CTRC: variants seen among roughly 807,000 people sequenced by gnomAD.
The protein encoded by CTRC is chymotrypsin-C.
Under a neutral mutation model 35.7 loss-of-function variants are expected in CTRC, and 32 were observed. That is an observed-to-expected ratio of 0.90 (90% confidence interval 0.68 to 1.20). The LOEUF is 1.20. CTRC is among the 50% of genes most tolerant of loss of function. The probability of loss-of-function intolerance (pLI) is 0.00; values close to 1 mark genes in which losing one functional copy is unlikely to be tolerated. For synonymous variants in CTRC, 119 were observed against 149.5 expected (o/e 0.80, Z 1.49); for missense variants, 324 against 361.5 (o/e 0.90, Z 0.84).
intron 5 of CTRC, among the ~76,000 whole-genome samples, chr1:15,443,762 T>C (rs1708171872): frequency 6.6e-6 from 1 of 152,192 alleles, no homozygotes; most frequent in African/African-American, 2.4e-5. Context: ...TTTAGACGAA[T>C]TAGAATTTGT....
At position 15,446,660 on chromosome 1, in the gene CTRC, A is replaced by C; in HGVS notation, c.*71A>C. 1 of 1,565,470 alleles carries C rather than the reference A, an allele frequency of 6.4e-7. No individual in the cohort carries two copies. Among genetic ancestry groups the C allele is most frequent in the Non-Finnish European group, 8.8e-7 (1 of 1,135,632 alleles). ...ACTTCCTTCTCCTCGGGCCACCTGG[A>C]TCCTTGATTTGTGCAGCTTCTGTTG... On this transcript the variant is annotated 3_prime_UTR_variant, in exon 8 of 8. Coordinates refer to ENST00000375949, the MANE Select transcript of CTRC (RefSeq NM_007272.3).
Position 15,449,106 on chromosome 1 carries a change from C to T in CTRC, c.*2517C>T, listed in dbSNP as rs1421117521. On this transcript the variant is annotated 3_prime_UTR_variant, in exon 8 of 8. Coordinates refer to ENST00000375949, the MANE Select transcript of CTRC (RefSeq NM_007272.3). ...GGTTAGTGACTTCCCAATGTGTGAA[C>T]TAGAAGGTAGTGGAGCCGGAATCCA... 2 of 152,126 alleles carry T rather than the reference C, an allele frequency of 1.3e-5. No homozygotes were observed. Among genetic ancestry groups the T allele is most frequent in the African/African-American group, 4.8e-5 (2 of 41,402 alleles). The allele number at this position is 152,126 out of a possible 1,614,324, so 9.4% of individuals were successfully genotyped here.
chr1:15,439,096 G>A (rs1244381682), intron 1 of CTRC, among the ~76,000 whole-genome samples: 9 of 152,104 alleles, frequency 5.9e-5, no homozygotes, highest in African/African-American at 2.2e-4. Context: ...CCCCTTACAT[G>A]TAGGAGCCAA....
chr1:15,446,803 G>A lies in CTRC; in HGVS notation c.*214G>A, dbSNP rs1570787916. 6.0e-6 allele frequency: 4 copies of A among 662,274 alleles called. No individual in the cohort carries two copies. In the East Asian group the frequency reaches 8.3e-5, roughly 14 times the overall value. 41.0% of individuals were successfully genotyped at this position (662,274 alleles called of 1,614,324 possible). On this transcript the variant is annotated 3_prime_UTR_variant, in exon 8 of 8. Transcript: ENST00000375949. ...GGGGAAACAGAGGCCGGGAGAGAGG[G>A]CCAAGGAAGGAGCCTCCTGGGGCAT...
intron 3 of CTRC, among the ~76,000 whole-genome samples, 157 bp downstream of exon 3, chr1:15,440,747 A>G (rs1312872664): frequency 6.6e-6 from 1 of 152,206 alleles, no homozygotes; most frequent in Non-Finnish European, 1.5e-5. Context: ...TCAAGTATTC[A>G]TTGTGCATCT....
At chr1:15,445,959 C>CATTT (rs35392581) in intron 7 of CTRC, among the ~76,000 whole-genome samples, 84,221 of 151,760 alleles carry the variant, frequency 0.55, 24,500 homozygotes, top group African/African-American at 0.74. Context: ...TTCACTCATG[C>CATTT]ATTCATTCAT....
At chr1:15,440,198 C>A in intron 1 of CTRC, 102 bp from the exon 2 acceptor site, 1 of 1,082,074 alleles carries the variant, frequency 9.2e-7, no homozygotes, top group South Asian at 1.3e-5. Flanking sequence ...CGTGTCTGCC[C>A]AGCCCCAACT....
At chr1:15,440,197 C>G in intron 1 of CTRC, 103 bp from the exon 2 acceptor site, 1 of 1,075,040 alleles carries the variant, frequency 9.3e-7, no homozygotes. Flanking sequence ...CCGTGTCTGC[C>G]CAGCCCCAAC....
intron 1 of CTRC, among the ~76,000 whole-genome samples, chr1:15,439,653 A>T (rs534025132): frequency 6.6e-6 from 1 of 152,234 alleles, no homozygotes; most frequent in African/African-American, 2.4e-5. Flanking sequence ...CTGCTCTCTC[A>T]CACACACACC....
rs1708228769 is a variant in CTRC at position 15,446,778 on chromosome 1, G to A, written c.*189G>A. On this transcript the variant is annotated 3_prime_UTR_variant, in exon 8 of 8. Transcript: ENST00000375949. ...TTCCCCCACCCTGCATTAGACAGGT[G>A]GGGAAACAGAGGCCGGGAGAGAGGG... 1 of 725,090 alleles carries A rather than the reference G, an allele frequency of 1.4e-6. No individual in the cohort carries two copies. The highest frequency in any genetic ancestry group is 2.5e-6 in the Non-Finnish European group (1 of 408,154). 44.9% of individuals were successfully genotyped at this position (725,090 alleles called of 1,614,324 possible).
intron 1 of CTRC, among the ~76,000 whole-genome samples, chr1:15,439,472 A>G (rs866448409): frequency 2.0e-5 from 3 of 151,908 alleles, no homozygotes; most frequent in Non-Finnish European, 4.4e-5. Flanking sequence ...GGGTCTTTTC[A>G]TAGCCCCATT....
At chr1:15,440,226 G>GGGCCCCC in intron 1 of CTRC, 74 bp from the exon 2 acceptor site, 1 of 523,580 alleles carries the variant, frequency 1.9e-6, no homozygotes, top group East Asian at 3.8e-5. Flanking sequence ...TCTTCCACCT[G>GGGCCCCC]CCCACCCTCC....
chr1:15,446,563 C>T lies in CTRC; in HGVS notation c.793-12C>T. The T allele has an allele frequency of 3.1e-6, 5 of 1,614,210 alleles. No individual in the cohort carries two copies. The highest frequency in any genetic ancestry group is 4.2e-6 in the Non-Finnish European group (5 of 1,180,016). ...AGCCCTGAGTCTCTCACACTGTTCT[C>T]TGCTCCTCCAGAAAATGCAGCTGTG... On this transcript the variant is annotated splice_polypyrimidine_tract_variant and intron_variant, in intron 7 of 7. Coordinates refer to ENST00000375949, the MANE Select transcript of CTRC (RefSeq NM_007272.3).
Position 15,446,783 on chromosome 1 carries a change from A to G in CTRC, c.*194A>G, listed in dbSNP as rs1325497140. On this transcript the variant is annotated 3_prime_UTR_variant, in exon 8 of 8. Coordinates refer to ENST00000375949, the MANE Select transcript of CTRC (RefSeq NM_007272.3). ...CCACCCTGCATTAGACAGGTGGGGA[A>G]ACAGAGGCCGGGAGAGAGGGCCAAG... 3 of 712,164 alleles carry G rather than the reference A, an allele frequency of 4.2e-6. No homozygotes were observed. The African/African-American group carries it at 5.3e-5, about 12-fold the overall frequency. The allele number at this position is 712,164 out of a possible 1,614,324, so 44.1% of individuals were successfully genotyped here. A position where few individuals can be genotyped will look rare whatever the true frequency, so the allele number is the denominator to read the frequency against.
At chr1:15,443,294 G>C (rs1198976241) in intron 4 of CTRC, 125 bp from the exon 5 acceptor site, 2 of 1,065,276 alleles carry the variant, frequency 1.9e-6, no homozygotes, top group Non-Finnish European at 2.9e-6. Flanking sequence ...CTGGCAGTCA[G>C]GATGTTTGTG....
intron 4 of CTRC, 74 bp from the exon 5 acceptor site, chr1:15,443,345 G>C: frequency 6.3e-7 from 1 of 1,599,700 alleles, no homozygotes; most frequent in Non-Finnish European, 8.6e-7. Flanking sequence ...CCAACTCACA[G>C]CCCGAGCCCC....
chr1:15,438,951 AC>A (rs1334265028), intron 1 of CTRC, among the ~76,000 whole-genome samples: 4 of 152,220 alleles, frequency 2.6e-5, no homozygotes, highest in African/African-American at 9.6e-5. Context: ...AAGTCATTTC[AC>A]CTCTCTAAAT....
rs557622458 is a variant in CTRC at position 15,448,505 on chromosome 1, A to AT, written c.*1930dup. On this transcript the variant is annotated 3_prime_UTR_variant, in exon 8 of 8. Transcript: ENST00000375949. ...AGGCGCCAGCCACCATGCCTGGCTA[A>AT]TTTTTTTTTTTTTTGTATTTTTAGC... 2,901 of 142,712 alleles carry AT rather than the reference A, an allele frequency of 0.02. 37 individuals carry two copies. Among genetic ancestry groups the AT allele is most frequent in the South Asian group, 0.04 (175 of 4,426 alleles). The allele number at this position is 142,712 out of a possible 1,614,324, so 8.8% of individuals were successfully genotyped here. A position where few individuals can be genotyped will look rare whatever the true frequency, so the allele number is the denominator to read the frequency against.
In CTRC at chr1:15,438,642, C is replaced by A. The variant is rs990515037; in HGVS notation, c.40+138C>A. 9 of 895,122 alleles carry A rather than the reference C, an allele frequency of 1.0e-5. No homozygotes were observed. In the African/African-American group the frequency reaches 1.3e-4, roughly 13 times the overall value. The allele number at this position is 895,122 out of a possible 1,614,324, so 55.4% of individuals were successfully genotyped here. A position where few individuals can be genotyped will look rare whatever the true frequency, so the allele number is the denominator to read the frequency against. On this transcript the variant is annotated intron_variant, in intron 1 of 7. Transcript: ENST00000375949. ...GGTCCCCTGTGGGTTCAGATGCTAC[C>A]AACCAGCTGTGTGTCAGACAAGCCA...
Sources: allele counts gnomAD v4.1 joint callset (sites outside exome capture counted in the v4.1 genomes callset), GRCh38; gene constraint gnomAD v4.1.1; transcripts MANE v1.5; gene names NCBI Gene and HGNC (gene_info 2026-07-23, HGNC 2026-07-21).